The following DNAH6 variants were observed in gnomAD, a reference collection of about 807,000 sequenced individuals.
DNAH6 encodes dynein axonemal heavy chain 6.
A neutral mutation model predicts 491.4 loss-of-function variants in DNAH6; 340 were observed. That is an observed-to-expected ratio of 0.69 (90% CI 0.63 to 0.76). The LOEUF (loss-of-function observed/expected upper bound fraction) is 0.76, where lower values mean the gene tolerates loss of function less well. Ranked by LOEUF, DNAH6 falls within the 30% of genes least tolerant of loss-of-function variation. The probability of loss-of-function intolerance (pLI) is 0.00; values close to 1 mark genes in which losing one functional copy is unlikely to be tolerated. For synonymous variants in DNAH6, 1,603 were observed against 1,686.1 expected (o/e 0.95, Z 1.21); for missense variants, 4,443 against 4,972.2 (o/e 0.89, Z 3.20).
rs867133760 is a variant in DNAH6 at position 84,683,983 on chromosome 2, C to G, written c.6917-1343C>G. On this transcript the variant is annotated intron_variant, in intron 42 of 76. Coordinates refer to ENST00000389394, the MANE Select transcript of DNAH6 (RefSeq NM_001370.2). Reference sequence around the variant, plus strand: ...AGAACCCTGCAGACCCCTCCTGCTTCTTCCTAATGCACAGTTCTCACACAG... The same window carrying G: ...AGAACCCTGCAGACCCCTCCTGCTTGTTCCTAATGCACAGTTCTCACACAG... Among the ~76,000 whole-genome samples the G allele has an allele frequency of 1.8e-4, 27 of 152,310 alleles. No individual in the cohort carries two copies. The South Asian group carries it at 1.9e-3, about 11-fold the overall frequency.
intron 26 of DNAH6, 37 bp from the exon 27 acceptor site, chr2:84,624,228 T>C (rs1287853999): frequency 7.3e-6 from 11 of 1,511,860 alleles, no homozygotes; most frequent in Admixed American, 6.8e-5. Flanking sequence ...TAAGCTGATA[T>C]TGGAAAATTC....
At chr2:84,509,973 C>T in the DNAH6 span, among the ~76,000 whole-genome samples, 3 of 152,118 alleles carry the variant, frequency 2.0e-5, no homozygotes, top group South Asian at 2.1e-4. Context: ...TCCCTTTGTG[C>T]GTAACCCGAC....
At chr2:84,598,034 T>C (rs1684780536) in intron 18 of DNAH6, among the ~76,000 whole-genome samples, 1 of 152,156 alleles carries the variant, frequency 6.6e-6, no homozygotes, top group African/African-American at 2.4e-5. Context: ...AGATAGCATA[T>C]GTCATTTATA....
chr2:84,643,647 C>A (rs1689625905), intron 33 of DNAH6, among the ~76,000 whole-genome samples: 1 of 152,178 alleles, frequency 6.6e-6, no homozygotes, highest in African/African-American at 2.4e-5. Context: ...TGTGTCCAAT[C>A]TACTAATAAG....
chr2:84,478,521 T>C, the DNAH6 span, among the ~76,000 whole-genome samples: 8 of 152,250 alleles, frequency 5.3e-5, no homozygotes, highest in African/African-American at 1.4e-4. Flanking sequence ...CATTGGACCT[T>C]ATAGGAATGT....
intron 29 of DNAH6, among the ~76,000 whole-genome samples, chr2:84,630,642 A>G (rs1424927378): frequency 1.3e-5 from 2 of 152,240 alleles, no homozygotes; most frequent in Admixed American, 1.3e-4. Context: ...ACCAAATGCA[A>G]TGTTTGTACC....
At chr2:84,571,330 G>T (rs1681844191) in intron 11 of DNAH6, among the ~76,000 whole-genome samples, 1 of 152,150 alleles carries the variant, frequency 6.6e-6, no homozygotes, top group Non-Finnish European at 1.5e-5. Flanking sequence ...CAAATTCTCT[G>T]TCCATAAGCT....
intron 76 of DNAH6, among the ~76,000 whole-genome samples, chr2:84,818,559 A>C (rs1680727799): frequency 6.6e-6 from 1 of 151,788 alleles, no homozygotes; most frequent in South Asian, 2.1e-4. Context: ...CTCTAGATCT[A>C]ACCACCCCTT....
the DNAH6 span, among the ~76,000 whole-genome samples, chr2:84,490,594 C>G: frequency 6.6e-6 from 1 of 152,086 alleles, no homozygotes; most frequent in Non-Finnish European, 1.5e-5. Context: ...TGGAGTCTCA[C>G]TCTGTCACCC....
chr2:84,662,767 C>T (rs1691653309), intron 37 of DNAH6, among the ~76,000 whole-genome samples: 1 of 152,220 alleles, frequency 6.6e-6, no homozygotes, highest in Admixed American at 6.5e-5. Context: ...GTTCTCCCAG[C>T]ATGGAGTTTT....
intron 63 of DNAH6, among the ~76,000 whole-genome samples, chr2:84,755,022 A>G (rs1673860863): frequency 6.6e-6 from 1 of 152,220 alleles, no homozygotes; most frequent in African/African-American, 2.4e-5. Flanking sequence ...CTTATTTTTA[A>G]GCAATCTATT....
chr2:84,719,938 G>C (rs1271461702), intron 59 of DNAH6, among the ~76,000 whole-genome samples: 1 of 151,186 alleles, frequency 6.6e-6, no homozygotes, highest in Non-Finnish European at 1.5e-5. Context: ...CCATCCTCTG[G>C]CCTCCCACTG....
intron 14 of DNAH6, among the ~76,000 whole-genome samples, chr2:84,580,868 T>C (rs890403521): frequency 3.9e-5 from 6 of 152,296 alleles, no homozygotes; most frequent in South Asian, 2.1e-4. Context: ...GCTCAGGAAC[T>C]GACCAGAACC....
chr2:84,575,650 C>T lies in DNAH6; in HGVS notation c.1925-1607C>T, dbSNP rs533275913. Among the ~76,000 whole-genome samples the T allele has an allele frequency of 1.1e-4, 17 of 152,182 alleles. No individual in the cohort carries two copies. In the South Asian group the frequency reaches 3.5e-3, roughly 32 times the overall value. On this transcript the variant is annotated intron_variant, in intron 12 of 76. Coordinates refer to ENST00000389394, the MANE Select transcript of DNAH6 (RefSeq NM_001370.2). ...CTGTAATCCCAGAACTTTGGGAGGC[C>T]GAGGCGGGGGGATCACGAGGTCAGG...
intron 14 of DNAH6, 103 bp downstream of exon 14, chr2:84,579,782 C>A: frequency 3.1e-6 from 3 of 973,356 alleles, no homozygotes; most frequent in Non-Finnish European, 4.4e-6. Context: ...AGACAGCTGT[C>A]AAATATCAGA....
chr2:84,483,147 A>G, the DNAH6 span, among the ~76,000 whole-genome samples: 2 of 151,904 alleles, frequency 1.3e-5, no homozygotes, highest in Admixed American at 1.3e-4. Flanking sequence ...TTTGGGGGGT[A>G]GATACGGGGT....
the DNAH6 span, among the ~76,000 whole-genome samples, chr2:84,466,801 CA>C: frequency 6.6e-6 from 1 of 152,162 alleles, no homozygotes; most frequent in Admixed American, 6.5e-5. Context: ...TTGTGGATGA[CA>C]AAACGTCTTA....
At chr2:84,779,600 G>A (rs1573786958) in intron 64 of DNAH6, among the ~76,000 whole-genome samples, 1 of 152,098 alleles carries the variant, frequency 6.6e-6, no homozygotes, top group East Asian at 1.9e-4. Flanking sequence ...TTGCTACTCT[G>A]TGCCTGTTAA....
intron 47 of DNAH6, among the ~76,000 whole-genome samples, chr2:84,698,156 G>T (rs957269180): frequency 2.0e-5 from 3 of 152,138 alleles, no homozygotes; most frequent in African/African-American, 7.2e-5. Context: ...TGTGGCTGCT[G>T]TACACTTCCA....
Sources: allele counts gnomAD v4.1 joint callset (sites outside exome capture counted in the v4.1 genomes callset), GRCh38; gene constraint gnomAD v4.1.1; transcripts MANE v1.5; gene names NCBI Gene and HGNC (gene_info 2026-07-23, HGNC 2026-07-21).